HHAT: variants seen among roughly 807,000 people sequenced by gnomAD.
The protein encoded by HHAT is protein-cysteine N-palmitoyltransferase HHAT.
In HHAT, 47 loss-of-function variants were observed where a neutral mutation model predicts 70.8. The observed-to-expected ratio is 0.66, with a 90% confidence interval of 0.53 to 0.85. The LOEUF (loss-of-function observed/expected upper bound fraction) is 0.85. Among genes scored for constraint, HHAT ranks in the 40% least tolerant of loss-of-function variants. The pLI is 0.00. For missense variants in HHAT, 609 were observed against 604.8 expected, an observed-to-expected ratio of 1.01 and a Z score of -0.07; for synonymous variants, 228 against 247.6, an observed-to-expected ratio of 0.92 and a Z score of 0.74.
intron 9 of HHAT, among the ~76,000 whole-genome samples, chr1:210,531,899 CAGAT>C (rs771225264): frequency 1.1e-4 from 16 of 152,272 alleles, no homozygotes; most frequent in East Asian, 1.9e-4. Context: ...TTTGACAAGA[CAGAT>C]AGAAGAGCAT....
At chr1:210,374,141 T>TA (rs1189900576) in intron 3 of HHAT, 2 of 152,214 alleles carry the variant, frequency 1.3e-5, no homozygotes, top group African/African-American at 4.8e-5. Context: ...AGTCTTTTTT[T>TA]ATAAAACATG....
At chr1:210,569,967 AT>A (rs1655834802) in intron 9 of HHAT, among the ~76,000 whole-genome samples, 1 of 152,058 alleles carries the variant, frequency 6.6e-6, no homozygotes, top group African/African-American at 2.4e-5. Flanking sequence ...TACTCAGCCT[AT>A]TTTTTATAGG....
chr1:210,402,103 G>C (rs1429336805), intron 5 of HHAT, among the ~76,000 whole-genome samples: 1 of 152,176 alleles, frequency 6.6e-6, no homozygotes, highest in African/African-American at 2.4e-5. Flanking sequence ...AGTCTGTGTG[G>C]AACTCTCAAC....
chr1:210,484,000 G>T (rs577266818), intron 8 of HHAT, among the ~76,000 whole-genome samples: 1 of 152,158 alleles, frequency 6.6e-6, no homozygotes, highest in East Asian at 1.9e-4. Context: ...CTGATTGACC[G>T]GCTCAACTTC....
At chr1:210,454,465 A>C (rs1266238332) in intron 7 of HHAT, among the ~76,000 whole-genome samples, 2 of 152,092 alleles carry the variant, frequency 1.3e-5, no homozygotes, top group Non-Finnish European at 2.9e-5. Context: ...GAGGCAGGAG[A>C]ATGGCATGAA....
At chr1:210,514,649 G>A (rs1300660886) in intron 9 of HHAT, among the ~76,000 whole-genome samples, 1 of 152,092 alleles carries the variant, frequency 6.6e-6, no homozygotes, top group African/African-American at 2.4e-5. Context: ...ACTTGTATAG[G>A]ATCAACCTTC....
intron 10 of HHAT, among the ~76,000 whole-genome samples, chr1:210,609,976 G>A (rs1427460123): frequency 6.6e-6 from 1 of 152,112 alleles, no homozygotes; most frequent in Non-Finnish European, 1.5e-5. Context: ...ATGAACATAC[G>A]TGTGCAAGTA....
intron 8 of HHAT, among the ~76,000 whole-genome samples, chr1:210,510,910 A>G (rs572614838): frequency 5.6e-4 from 85 of 152,214 alleles, no homozygotes; most frequent in African/African-American, 1.1e-3. Context: ...CCCGGAATAG[A>G]GTCTGTTGGT....
chr1:210,487,196 T>C (rs2094485875), intron 8 of HHAT, among the ~76,000 whole-genome samples: 1 of 152,110 alleles, frequency 6.6e-6, no homozygotes, highest in South Asian at 2.1e-4. Flanking sequence ...GCAGTAGATA[T>C]GTGGACAGAG....
intron 3 of HHAT, chr1:210,374,257 G>C (rs372914866): frequency 1.0e-4 from 13 of 130,230 alleles, no homozygotes; most frequent in African/African-American, 3.2e-4. Context: ...GATCTGAAGA[G>C]AAACCAGTGT....
chr1:210,399,093 C>T (rs10489385), intron 4 of HHAT, among the ~76,000 whole-genome samples: 17,539 of 152,250 alleles, frequency 0.12, 1,319 homozygotes, highest in East Asian at 0.27. Context: ...TTCCACAAGA[C>T]GACCTAAGTT....
At chr1:210,624,664 G>T (rs956935122) in intron 11 of HHAT, among the ~76,000 whole-genome samples, 2 of 152,176 alleles carry the variant, frequency 1.3e-5, no homozygotes, top group Non-Finnish European at 1.5e-5. Flanking sequence ...TACTATGTGG[G>T]AGTTGTCAAA....
intron 11 of HHAT, among the ~76,000 whole-genome samples, chr1:210,668,283 T>C (rs1046423380): frequency 1.3e-5 from 2 of 152,222 alleles, no homozygotes; most frequent in Admixed American, 1.3e-4. Flanking sequence ...TACAAATACC[T>C]CTTCTAGTTC....
At chr1:210,469,989 T>C (rs1340641182) in intron 8 of HHAT, among the ~76,000 whole-genome samples, 1 of 152,098 alleles carries the variant, frequency 6.6e-6, no homozygotes, top group Non-Finnish European at 1.5e-5. Flanking sequence ...CACTCCCTCC[T>C]TTTCTCCCCA....
At chr1:210,348,500 T>TTA (rs1469290760) in intron 1 of HHAT, among the ~76,000 whole-genome samples, 1 of 152,180 alleles carries the variant, frequency 6.6e-6, no homozygotes. Context: ...AGCCATTTAT[T>TTA]ATTCACAGAG....
intron 11 of HHAT, among the ~76,000 whole-genome samples, chr1:210,641,746 C>T (rs1192127681): frequency 6.6e-6 from 1 of 152,172 alleles, no homozygotes; most frequent in Non-Finnish European, 1.5e-5. Flanking sequence ...CATGCACATA[C>T]GCGTACCTCA....
intron 9 of HHAT, among the ~76,000 whole-genome samples, chr1:210,582,766 TG>T (rs1194986065): frequency 6.6e-6 from 1 of 152,234 alleles, no homozygotes; most frequent in African/African-American, 2.4e-5. Flanking sequence ...AGATAGCAGG[TG>T]TTATCTCTGC....
chr1:210,406,318 GTA>G (rs2092327751), intron 6 of HHAT, among the ~76,000 whole-genome samples: 1 of 152,036 alleles, frequency 6.6e-6, no homozygotes, highest in Non-Finnish European at 1.5e-5. Flanking sequence ...ACTTCCTCCT[GTA>G]TATAAGCTTT....
At chr1:210,560,096 A>G (rs1393621067) in intron 9 of HHAT, among the ~76,000 whole-genome samples, 1 of 151,912 alleles carries the variant, frequency 6.6e-6, no homozygotes, top group African/African-American at 2.4e-5. Flanking sequence ...TTTCCCACGA[A>G]CTCTTAGGAT....
Sources: gnomAD v4.1 joint callset for allele counts (sites outside exome capture counted in the v4.1 genomes callset) on GRCh38, gnomAD v4.1.1 for gene constraint, MANE v1.5 for transcripts, NCBI Gene and HGNC (gene_info 2026-07-23, HGNC 2026-07-21) for gene names.